The following DGKB variants were observed in gnomAD, a reference collection of about 807,000 sequenced individuals.
The protein encoded by DGKB is diacylglycerol kinase beta, also known as 90 kDa diacylglycerol kinase.
In DGKB, 67 loss-of-function variants were observed where a neutral mutation model predicts 114.3. That is an observed-to-expected ratio of 0.59 (90% CI 0.48 to 0.72). The LOEUF is 0.72. Ranked by LOEUF, DGKB falls within the 30% of genes least tolerant of loss-of-function variation. The pLI is 0.00. For missense variants in DGKB, 907 were observed against 975.2 expected (o/e 0.93, Z 0.93); for synonymous variants, 398 against 323.1 (o/e 1.23, Z -2.49).
At chr7:14,353,469 T>A (rs907175640) in intron 21 of DGKB, among the ~76,000 whole-genome samples, 4 of 152,132 alleles carry the variant, frequency 2.6e-5, no homozygotes, top group Non-Finnish European at 5.9e-5. Flanking sequence ...TAACTGGAGA[T>A]GAAGCAGCCT....
chr7:14,330,488 G>T (rs1809531992), intron 23 of DGKB, among the ~76,000 whole-genome samples: 1 of 151,932 alleles, frequency 6.6e-6, no homozygotes, highest in Non-Finnish European at 1.5e-5. Context: ...CTGTTTAAAT[G>T]ATTACTTACC....
At chr7:14,580,810 G>C (rs531957560) in intron 19 of DGKB, 52 bp downstream of exon 19, 1 of 1,251,148 alleles carries the variant, frequency 8.0e-7, no homozygotes, top group Admixed American at 2.2e-5. Context: ...TGTTTTGCAA[G>C]GGAAAGGGGT....
chr7:14,310,404 G>A (rs145136364), intron 23 of DGKB, among the ~76,000 whole-genome samples: 198 of 152,242 alleles, frequency 1.3e-3, no homozygotes, highest in African/African-American at 4.4e-3. Context: ...TGTAGATTTC[G>A]CAATGAGAAG....
At chr7:14,595,329 A>T (rs1290972490) in intron 17 of DGKB, among the ~76,000 whole-genome samples, 1 of 152,104 alleles carries the variant, frequency 6.6e-6, no homozygotes, top group Non-Finnish European at 1.5e-5. Context: ...ATCAAGTTAG[A>T]GAATAAAAAC....
intron 21 of DGKB, among the ~76,000 whole-genome samples, chr7:14,437,663 CAG>C (rs1829481850): frequency 6.6e-6 from 1 of 151,706 alleles, no homozygotes. Context: ...TCTTTCAAGA[CAG>C]AGAATTGTCT....
intron 14 of DGKB, among the ~76,000 whole-genome samples, chr7:14,627,812 G>A (rs1460616249): frequency 6.6e-6 from 1 of 151,704 alleles, no homozygotes; most frequent in Non-Finnish European, 1.5e-5. Context: ...GCGTGGTCAC[G>A]TGCGCCTATG....
At chr7:14,461,020 A>G (rs1400653087) in intron 21 of DGKB, among the ~76,000 whole-genome samples, 1 of 152,066 alleles carries the variant, frequency 6.6e-6, no homozygotes, top group African/African-American at 2.4e-5. Flanking sequence ...AAAGCAAATT[A>G]AGGCAGAAAT....
chr7:14,468,213 C>T (rs1257364420), intron 21 of DGKB, among the ~76,000 whole-genome samples: 1 of 152,064 alleles, frequency 6.6e-6, no homozygotes, highest in African/African-American at 2.4e-5. Context: ...TATCTATGAA[C>T]ATCAAAGGGG....
chr7:14,349,424 C>A (rs986804561), intron 21 of DGKB, among the ~76,000 whole-genome samples: 30 of 152,018 alleles, frequency 2.0e-4, no homozygotes, highest in African/African-American at 7.0e-4. Context: ...AATGATTATT[C>A]CCTGTATTTC....
intron 20 of DGKB, among the ~76,000 whole-genome samples, chr7:14,526,397 C>A (rs905717640): frequency 6.6e-6 from 1 of 151,952 alleles, no homozygotes; most frequent in Non-Finnish European, 1.5e-5. Context: ...TCCCTGGGGG[C>A]GAAATCAACT....
chr7:14,512,571 A>C (rs1192383763), intron 20 of DGKB, among the ~76,000 whole-genome samples: 2 of 152,080 alleles, frequency 1.3e-5, no homozygotes, highest in African/African-American at 4.8e-5. Context: ...AATTTTTCTT[A>C]AATCATTCCT....
At chr7:14,561,609 T>G (rs775058462) in intron 20 of DGKB, among the ~76,000 whole-genome samples, 23 of 152,076 alleles carry the variant, frequency 1.5e-4, no homozygotes, top group Non-Finnish European at 2.6e-4. Context: ...TAGTCTCAGA[T>G]GGAGATGAGA....
chr7:14,689,005 T>G (rs1045539352), intron 9 of DGKB, among the ~76,000 whole-genome samples: 1 of 152,060 alleles, frequency 6.6e-6, no homozygotes, highest in Admixed American at 6.6e-5. Context: ...ATTTCATTGA[T>G]GTCCTAACCC....
At chr7:14,447,703 T>C (rs1004082236) in intron 21 of DGKB, among the ~76,000 whole-genome samples, 2 of 152,106 alleles carry the variant, frequency 1.3e-5, no homozygotes, top group Non-Finnish European at 1.5e-5. Flanking sequence ...AAAACACTTC[T>C]AGATACCAAA....
intron 1 of DGKB, among the ~76,000 whole-genome samples, chr7:14,874,188 G>A (rs1025027965): frequency 5.9e-5 from 9 of 151,968 alleles, no homozygotes; most frequent in South Asian, 2.1e-4. Context: ...TTTAAAATAC[G>A]TACAAATTCA....
At chr7:14,947,598 T>C (rs951018275) in intron 1 of DGKB, among the ~76,000 whole-genome samples, 6 of 136,758 alleles carry the variant, frequency 4.4e-5, no homozygotes, top group African/African-American at 1.7e-4. Context: ...CTCATATAGA[T>C]ATATGAAGAG....
At chr7:14,971,743 A>G (rs2115308406) in intron 1 of DGKB, among the ~76,000 whole-genome samples, 1 of 151,656 alleles carries the variant, frequency 6.6e-6, no homozygotes, top group East Asian at 1.9e-4. Context: ...AAACTTGCCT[A>G]CAAAAGGATA....
chr7:14,630,367 G>A (rs1387776445), intron 13 of DGKB, 99 bp from the exon 14 acceptor site: 19 of 744,352 alleles, frequency 2.6e-5, no homozygotes, highest in Non-Finnish European at 3.1e-5. Context: ...TGAAATAAAT[G>A]AGTAAATTAA....
At chr7:14,579,462 T>A (rs1051693697) in intron 19 of DGKB, among the ~76,000 whole-genome samples, 4 of 152,222 alleles carry the variant, frequency 2.6e-5, no homozygotes, top group African/African-American at 9.6e-5. Context: ...AATTTTCATA[T>A]ACATCAAATA....
Sources: allele counts gnomAD v4.1 joint callset (sites outside exome capture counted in the v4.1 genomes callset), GRCh38; gene constraint gnomAD v4.1.1; transcripts MANE v1.5; gene names NCBI Gene and HGNC (gene_info 2026-07-23, HGNC 2026-07-21).